The following ATP9B variants were observed in gnomAD, a reference collection of about 807,000 sequenced individuals.
ATP9B encodes the protein ATPase phospholipid transporting 9B.
A neutral mutation model predicts 146.1 loss-of-function variants in ATP9B; 110 were observed. The ratio of observed to expected loss-of-function variants is 0.75; its 90% CI spans 0.65 to 0.88. The LOEUF (loss-of-function observed/expected upper bound fraction) is 0.88. Among genes scored for constraint, ATP9B ranks in the 40% least tolerant of loss-of-function variants. The probability of loss-of-function intolerance (pLI) is 0.00; values close to 1 mark genes in which losing one functional copy is unlikely to be tolerated. For synonymous variants in ATP9B, 604 were observed against 569.7 expected, an observed-to-expected ratio of 1.06 and a Z score of -0.86; for missense variants, 1,499 against 1,496.4, an observed-to-expected ratio of 1.00 and a Z score of -0.03.
intron 12 of ATP9B, among the ~76,000 whole-genome samples, chr18:79,262,711 G>C (rs918811705): frequency 6.6e-6 from 1 of 152,140 alleles, no homozygotes; most frequent in Non-Finnish European, 1.5e-5. Context: ...ATATGCCAGG[G>C]ATTCCATACA....
At chr18:79,271,081 C>T (rs2096248682) in intron 12 of ATP9B, among the ~76,000 whole-genome samples, 1 of 152,134 alleles carries the variant, frequency 6.6e-6, no homozygotes, top group South Asian at 2.1e-4. Flanking sequence ...TGATTCAGCT[C>T]ATCTTCAAAG....
intron 11 of ATP9B, among the ~76,000 whole-genome samples, chr18:79,221,009 T>C (rs2095671348): frequency 6.6e-6 from 1 of 152,210 alleles, no homozygotes; most frequent in Admixed American, 6.5e-5. Flanking sequence ...GTTCCTGGGA[T>C]ATAATTGCCT....
At chr18:79,158,371 G>T (rs1381683903) in intron 7 of ATP9B, among the ~76,000 whole-genome samples, 1 of 151,912 alleles carries the variant, frequency 6.6e-6, no homozygotes, top group Non-Finnish European at 1.5e-5. Flanking sequence ...CTGTAACTTT[G>T]AACCCCTGGG....
At chr18:79,135,770 T>A in intron 5 of ATP9B, among the ~76,000 whole-genome samples, 1 of 152,208 alleles carries the variant, frequency 6.6e-6, no homozygotes, top group South Asian at 2.1e-4. Flanking sequence ...TTCTAGAAGT[T>A]TTTTTAGTTT....
chr18:79,334,196 A>C (rs1473173940), intron 17 of ATP9B, among the ~76,000 whole-genome samples: 1 of 152,068 alleles, frequency 6.6e-6, no homozygotes, highest in African/African-American at 2.4e-5. Context: ...TCTCTACTAA[A>C]AATACAAAAA....
In ATP9B at chr18:79,307,591, A is replaced by G. The variant is rs571313059; in HGVS notation, c.1773+357A>G. ...GAAGTTTGGGACTGTCCTTATGGCT[A>G]TGGATTCCGTGTCCAAATTGAATCA... On this transcript the variant is annotated intron_variant, in intron 15 of 29. Transcript: ENST00000426216. 3.6e-4 allele frequency among the ~76,000 whole-genome samples: 55 copies of G among 152,348 alleles called. No individual in the cohort carries two copies. In the South Asian group the frequency reaches 0.011, roughly 31 times the overall value.
At chr18:79,316,828 A>G (rs982944452) in intron 15 of ATP9B, among the ~76,000 whole-genome samples, 18 of 152,254 alleles carry the variant, frequency 1.2e-4, no homozygotes, top group African/African-American at 4.1e-4. Flanking sequence ...GCAGTAATTC[A>G]AAAGCTGATT....
chr18:79,367,528 G>C (rs937276930), intron 26 of ATP9B, among the ~76,000 whole-genome samples: 1 of 150,844 alleles, frequency 6.6e-6, no homozygotes, highest in Non-Finnish European at 1.5e-5. Context: ...CAACCAGAGA[G>C]CACACAGATA....
rs34331564 is a variant in ATP9B, at chr18:79,113,288, A to G, written c.492A>G (p.Val164=). The G allele has an allele frequency of 0.092, 147,724 of 1,598,552 alleles. 7,875 individuals carry two copies. Among genetic ancestry groups the G allele is most frequent in the East Asian group, 0.19 (8,291 of 44,554 alleles). ...TTTTCTTGAATCTCTATTTTCTAGT[A>G]ATATCCTGCTCACAGTTTGTACCAG... is the stretch of plus-strand genomic sequence containing the variant. ...FKFFLNLYFL[V]ISCSQFVPAL... is the part of the protein sequence containing the mutation. Residue 164 remains valine (V), a synonymous_variant, in exon 4 of 30, where the codon GTA becomes GTG. Coordinates refer to ENST00000426216, the MANE Select transcript of ATP9B (RefSeq NM_198531.5).
intron 7 of ATP9B, among the ~76,000 whole-genome samples, chr18:79,175,414 G>A (rs1438977777): frequency 6.6e-6 from 1 of 152,128 alleles, no homozygotes; most frequent in Admixed American, 6.5e-5. Flanking sequence ...AAAAGGCCTA[G>A]CATCTATTCC....
chr18:79,110,746 G>T (rs7235933), intron 3 of ATP9B, among the ~76,000 whole-genome samples: 4,059 of 152,248 alleles, frequency 0.027, 199 homozygotes, highest in African/African-American at 0.093. Flanking sequence ...ATTGCCTTCA[G>T]TTCTTGATAA....
intron 26 of ATP9B, among the ~76,000 whole-genome samples, chr18:79,366,273 TCA>T (rs1413236230): frequency 1.3e-5 from 2 of 152,180 alleles, no homozygotes; most frequent in Non-Finnish European, 2.9e-5. Flanking sequence ...CGTGCCTCTC[TCA>T]GAGCCCGCTG....
At chr18:79,210,855 A>G (rs1191611382) in intron 10 of ATP9B, among the ~76,000 whole-genome samples, 1 of 152,168 alleles carries the variant, frequency 6.6e-6, no homozygotes, top group African/African-American at 2.4e-5. Flanking sequence ...AAATACATTG[A>G]TTTGTTAATA....
At chr18:79,342,037 CAGCGTAAT>C (rs2096862181) in intron 19 of ATP9B, among the ~76,000 whole-genome samples, 1 of 152,230 alleles carries the variant, frequency 6.6e-6, no homozygotes, top group Non-Finnish European at 1.5e-5. Flanking sequence ...TTCTTTCACT[CAGCGTAAT>C]GTCCTCAAGG....
At chr18:79,099,435 G>T (rs2075087472) in intron 2 of ATP9B, among the ~76,000 whole-genome samples, 1 of 152,026 alleles carries the variant, frequency 6.6e-6, no homozygotes. Flanking sequence ...TTGGCAAGCT[G>T]GTCTCAAACT....
At chr18:79,114,502 G>A (rs1015498135) in intron 4 of ATP9B, among the ~76,000 whole-genome samples, 7 of 152,056 alleles carry the variant, frequency 4.6e-5, no homozygotes, top group Admixed American at 4.6e-4. Context: ...ACTGGAAGGT[G>A]GACTAAATTC....
chr18:79,321,703 A>G (rs2096717185), intron 15 of ATP9B, among the ~76,000 whole-genome samples: 1 of 152,208 alleles, frequency 6.6e-6, no homozygotes, highest in Non-Finnish European at 1.5e-5. Flanking sequence ...ATTAAAAACA[A>G]TTGGATGGAA....
intron 11 of ATP9B, among the ~76,000 whole-genome samples, chr18:79,250,375 G>A (rs1414636428): frequency 6.6e-6 from 1 of 152,128 alleles, no homozygotes; most frequent in Non-Finnish European, 1.5e-5. Context: ...TTTTTAATGG[G>A]ATTTGGATGA....
chr18:79,124,919 T>A (rs1316779626), intron 4 of ATP9B, among the ~76,000 whole-genome samples: 1 of 152,040 alleles, frequency 6.6e-6, no homozygotes, highest in African/African-American at 2.4e-5. Flanking sequence ...TGAGGCCAGC[T>A]TTGGGGTGAC....
Sources: allele counts gnomAD v4.1 joint callset (sites outside exome capture counted in the v4.1 genomes callset), GRCh38; gene constraint gnomAD v4.1.1; transcripts MANE v1.5; gene names NCBI Gene and HGNC (gene_info 2026-07-23, HGNC 2026-07-21).